The following RAD54B variants were observed in gnomAD, a reference collection of about 807,000 sequenced individuals.
RAD54B encodes DNA repair and recombination protein RAD54B.
Under a neutral mutation model 95.8 loss-of-function variants are expected in RAD54B, and 78 were observed. The ratio of observed to expected loss-of-function variants is 0.81; its 90% CI spans 0.68 to 0.98. The LOEUF (loss-of-function observed/expected upper bound fraction) is 0.98, where lower values mean the gene tolerates loss of function less well. RAD54B is among the 50% of genes least tolerant of loss of function. The pLI, the probability that RAD54B is intolerant of heterozygous loss-of-function variation, is 0.00. For synonymous variants in RAD54B, 328 were observed against 354.9 expected (o/e 0.92, Z 0.85); for missense variants, 957 against 1,056.6 (o/e 0.91, Z 1.31).
chr8:94,409,585 C>A (rs1329894525), intron 4 of RAD54B, among the ~76,000 whole-genome samples: 1 of 152,006 alleles, frequency 6.6e-6, no homozygotes, highest in African/African-American at 2.4e-5. Flanking sequence ...CCAGGCTGGT[C>A]TCGAACTTAG....
At position 94,426,548 on chromosome 8, in the gene RAD54B, T is replaced by A. The variant is rs554078511; in HGVS notation, c.305-15233A>T. ...AGAAAGCAATGAGCTACTAATAGGA[T>A]GGATAAACATGGATGAATATTAAAA... On this transcript the variant is annotated intron_variant, in intron 3 of 14. Transcript: ENST00000336148. 4.6e-5 allele frequency among the ~76,000 whole-genome samples: 7 copies of A among 152,256 alleles called. No homozygotes were observed. The South Asian group carries it at 1.2e-3, about 27-fold the overall frequency.
At chr8:94,426,444 G>A (rs1811944801) in intron 3 of RAD54B, among the ~76,000 whole-genome samples, 1 of 152,024 alleles carries the variant, frequency 6.6e-6, no homozygotes, top group African/African-American at 2.4e-5. Flanking sequence ...GCCAAAGTAT[G>A]GAAATTGCCA....
intron 14 of RAD54B, among the ~76,000 whole-genome samples, chr8:94,375,578 G>A (rs1227699656): frequency 6.6e-6 from 1 of 151,994 alleles, no homozygotes; most frequent in Admixed American, 6.6e-5. Flanking sequence ...TTTGTAAATC[G>A]CCCAGTCTCA....
Position 94,407,622 on chromosome 8 carries a change from C to T in RAD54B, c.598G>A (p.Asp200Asn). The change falls in exon 5 of 15, where the codon GAT (aspartate) becomes AAT (asparagine). Residue 200 changes from aspartate to asparagine, a missense_variant. Asp to Asn is a conservative substitution (Grantham distance 23). Coordinates refer to ENST00000336148, the MANE Select transcript of RAD54B (RefSeq NM_012415.3). Reference protein sequence around the residue: ...EIEVMGVISPDDFSSGRCFQL... With the variant: ...EIEVMGVISPNDFSSGRCFQL... ...AAACACCTGCCACTGCTGAAGTCATCTGGAGAGATTACACCCATGACTTCT... is the reference window on the plus strand; with the variant it reads ...AAACACCTGCCACTGCTGAAGTCATTTGGAGAGATTACACCCATGACTTCT... The T allele has an allele frequency of 1.9e-6, 3 of 1,614,014 alleles. No individual in the cohort carries two copies. Among genetic ancestry groups the T allele is most frequent in the Non-Finnish European group, 2.5e-6 (3 of 1,179,942 alleles).
chr8:94,386,922 G>A, intron 11 of RAD54B, 62 bp downstream of exon 11: 1 of 1,182,380 alleles, frequency 8.5e-7, no homozygotes, highest in Non-Finnish European at 1.1e-6. Flanking sequence ...GAAGTAGGAA[G>A]TAAAGAAATA....
chr8:94,427,572 G>T, intron 3 of RAD54B: 1 of 296,064 alleles, frequency 3.4e-6, no homozygotes, highest in Non-Finnish European at 5.0e-6. Context: ...AATGAAATGT[G>T]ATATTTAGAT....
At chr8:94,401,740 G>C (rs960865216) in intron 6 of RAD54B, among the ~76,000 whole-genome samples, 27 of 151,976 alleles carry the variant, frequency 1.8e-4, no homozygotes, top group African/African-American at 6.1e-4. Context: ...TCAAGGTATA[G>C]AGAAAAAAAT....
chr8:94,457,255 G>C (rs1812799114), intron 3 of RAD54B, among the ~76,000 whole-genome samples: 1 of 152,132 alleles, frequency 6.6e-6, no homozygotes, highest in Admixed American at 6.6e-5. Context: ...AAATAGGGAG[G>C]AAAGAAGGGA....
Position 94,429,336 on chromosome 8 carries a change from C to T in RAD54B, c.305-18021G>A, listed in dbSNP as rs1012610773. The T allele has an allele frequency of 1.7e-5, 9 of 525,370 alleles. No homozygotes were observed. The African/African-American group carries it at 1.9e-4, about 11-fold the overall frequency. The allele number at this position is 525,370 out of a possible 1,614,324, so 32.5% of individuals were successfully genotyped here. A position where few individuals can be genotyped will look rare whatever the true frequency, so the allele number is the denominator to read the frequency against. On this transcript the variant is annotated intron_variant, in intron 3 of 14. Transcript: ENST00000336148. ...CTATTTTGTATATACATAATTTTTA[C>T]CTTCCACAATTATTTTAGAACCTAA...
intron 3 of RAD54B, among the ~76,000 whole-genome samples, chr8:94,421,212 T>G (rs78275008): frequency 4.1e-4 from 62 of 152,288 alleles, no homozygotes; most frequent in African/African-American, 1.1e-3. Flanking sequence ...GTGTTTTTAG[T>G]CCTAATCAAA....
rs1811032393 is a variant in RAD54B at position 94,391,880 on chromosome 8, T to TCTCCTAACTCCTTTTCTTC, written c.1519_1537dup (p.Glu513GlyfsTer12). The TCTCCTAACTCCTTTTCTTC allele has an allele frequency of 1.2e-6, 2 of 1,607,098 alleles. No individual in the cohort carries two copies. The highest frequency in any genetic ancestry group is 1.7e-6 in the Non-Finnish European group (2 of 1,177,850). On this transcript the variant is annotated frameshift_variant, in exon 10 of 15. Transcript: ENST00000336148. LOFTEE classifies it high-confidence loss of function. The stretch of plus-strand genomic sequence containing the variant: ...GCAAGTAAGTTCAGCTGCTCTTCTT[T>TCTCCTAACTCCTTTTCTTC]CTCCTAACTCCTTTTCTTCCTATGG...
At position 94,380,249 on chromosome 8, in the gene RAD54B, T is replaced by C. The variant is rs1347094919; in HGVS notation, c.2143A>G (p.Ile715Val). ...GFNSQHSSFF[I>V]FLLSSKAGGV... ...CCAGCTTTTGAACTTAACAAAAAAATAAAAAAAGAAGAGTGTTGACTGTTA... is the reference window on the plus strand; with the variant it reads ...CCAGCTTTTGAACTTAACAAAAAAACAAAAAAAGAAGAGTGTTGACTGTTA... Residue 715 changes from isoleucine to valine, a missense_variant, in exon 12 of 15, where the codon ATT becomes GTT. By Grantham distance (29) the Ile-to-Val change is conservative (BLOSUM62 3). Transcript: ENST00000336148. 1.9e-6 allele frequency: 3 copies of C among 1,613,788 alleles called. No individual in the cohort carries two copies. The highest frequency in any genetic ancestry group is 1.7e-6 in the Non-Finnish European group (2 of 1,179,874).
chr8:94,473,496 T>C (rs1455505219), intron 1 of RAD54B, among the ~76,000 whole-genome samples: 1 of 152,136 alleles, frequency 6.6e-6, no homozygotes, highest in Non-Finnish European at 1.5e-5. Context: ...CACCGGACTG[T>C]TGGGAGGATT....
At chr8:94,471,521 T>C (rs2130213565) in intron 1 of RAD54B, among the ~76,000 whole-genome samples, 1 of 152,294 alleles carries the variant, frequency 6.6e-6, no homozygotes. Flanking sequence ...TATACATCTG[T>C]ATATGAAAAC....
At chr8:94,473,586 C>A (rs2130219830) in intron 1 of RAD54B, among the ~76,000 whole-genome samples, 1 of 152,160 alleles carries the variant, frequency 6.6e-6, no homozygotes, top group South Asian at 2.1e-4. Context: ...TTAGTATTAT[C>A]GGAGAGTAGA....
intron 3 of RAD54B, among the ~76,000 whole-genome samples, chr8:94,416,372 G>A (rs984227010): frequency 6.6e-6 from 1 of 152,054 alleles, no homozygotes; most frequent in African/African-American, 2.4e-5. Context: ...GTTGTGTGGT[G>A]GGGCGAGGGG....
At chr8:94,405,015 T>C (rs1316343219) in intron 5 of RAD54B, among the ~76,000 whole-genome samples, 1 of 152,116 alleles carries the variant, frequency 6.6e-6, no homozygotes, top group Non-Finnish European at 1.5e-5. Flanking sequence ...GGTTTCACCA[T>C]GTTAGCCAGG....
chr8:94,446,575 T>C (rs1231139258), intron 3 of RAD54B, among the ~76,000 whole-genome samples: 4 of 152,332 alleles, frequency 2.6e-5, no homozygotes, highest in Non-Finnish European at 5.9e-5. Context: ...AAAGAAACCA[T>C]ACCTCAGAGT....
chr8:94,399,468 T>TA lies in RAD54B; in HGVS notation c.1323dup (p.Lys442Ter), dbSNP rs1811215608. The TA allele has an allele frequency of 1.2e-6, 2 of 1,613,558 alleles. No individual in the cohort carries two copies. Among genetic ancestry groups the TA allele is most frequent in the Admixed American group, 3.3e-5 (2 of 59,952 alleles). ...AGGCTAATGAGGGCTGTAGTTGTCTTAATGGCACTGTTCTTCAAACGATGC... is the reference window on the plus strand; with the variant it reads ...AGGCTAATGAGGGCTGTAGTTGTCTTAAATGGCACTGTTCTTCAAACGATGC... On this transcript the variant is annotated frameshift_variant, in exon 8 of 15. Transcript: ENST00000336148. LOFTEE classifies it high-confidence loss of function.
Sources: gnomAD v4.1 joint callset for allele counts (sites outside exome capture counted in the v4.1 genomes callset) on GRCh38, gnomAD v4.1.1 for gene constraint, MANE v1.5 for transcripts, NCBI Gene and HGNC (gene_info 2026-07-23, HGNC 2026-07-21) for gene names.